The following DLGAP2 variants were observed in gnomAD, a reference collection of about 807,000 sequenced individuals.
The protein encoded by DLGAP2 is DLG associated protein 2.
In DLGAP2, 26 loss-of-function variants were observed where a neutral mutation model predicts 100.3. That is an observed-to-expected ratio of 0.26 (90% CI 0.19 to 0.36). The LOEUF (loss-of-function observed/expected upper bound fraction) is 0.36. Among genes scored for constraint, DLGAP2 ranks in the 10% least tolerant of loss-of-function variants. The pLI, the probability that DLGAP2 is intolerant of heterozygous loss-of-function variation, is 1.00. For synonymous variants in DLGAP2, 886 were observed against 630.1 expected (o/e 1.41, Z -6.08); for missense variants, 1,858 against 1,453.2 (o/e 1.28, Z -4.53).
chr8:1,480,214 G>T (rs1417947826), intron 3 of DLGAP2, among the ~76,000 whole-genome samples: 2 of 152,222 alleles, frequency 1.3e-5, no homozygotes, highest in Admixed American at 6.5e-5. Flanking sequence ...AGGAAACGTG[G>T]GGCTAGATGT....
intron 3 of DLGAP2, among the ~76,000 whole-genome samples, chr8:1,420,401 A>T (rs1355964888): frequency 6.6e-6 from 1 of 152,058 alleles, no homozygotes; most frequent in Non-Finnish European, 1.5e-5. Context: ...TGGCCACCTC[A>T]CTTCTGCGAT....
At chr8:1,640,702 C>T (rs1320792484) in intron 8 of DLGAP2, among the ~76,000 whole-genome samples, 4 of 152,152 alleles carry the variant, frequency 2.6e-5, no homozygotes, top group Non-Finnish European at 1.5e-5. Context: ...GACCCCATTA[C>T]GGGCCTGAGC....
rs748353643 is a variant in DLGAP2 at position 814,072 on chromosome 8, ATG to A, written c.18+76251_18+76252del. Reference sequence around the variant, plus strand: ...GGAAAAGAACTCAGAAAAAGATCTAATGTGTCTTTGAAGGAAGGTTTCAGATT... The same window carrying A: ...GGAAAAGAACTCAGAAAAAGATCTAATGTCTTTGAAGGAAGGTTTCAGATT... On this transcript the variant is annotated intron_variant, in intron 1 of 14. Transcript: ENST00000637795. Among the ~76,000 whole-genome samples the A allele has an allele frequency of 6.6e-5, 10 of 152,308 alleles. No individual in the cohort carries two copies. The East Asian group carries it at 1.9e-3, about 29-fold the overall frequency.
In DLGAP2 at chr8:1,236,364, C is replaced by A. The variant is rs866618785; in HGVS notation, c.74-22487C>A. On this transcript the variant is annotated intron_variant, in intron 2 of 14. Coordinates refer to ENST00000637795, the MANE Select transcript of DLGAP2 (RefSeq NM_001346810.2). Reference sequence around the variant, plus strand: ...CGCCGTGTCTAGTTCTCTCCCATGGCGCCGTGTCTAGTTACCTATCACATG... The same window carrying A: ...CGCCGTGTCTAGTTCTCTCCCATGGAGCCGTGTCTAGTTACCTATCACATG... 5.5e-3 allele frequency among the ~76,000 whole-genome samples: 265 copies of A among 48,018 alleles called. 16 individuals carry two copies. Among genetic ancestry groups the A allele is most frequent in the African/African-American group, 0.027 (245 of 9,220 alleles). 31.5% of individuals were successfully genotyped at this position (48,018 alleles called of 152,430 possible).
chr8:1,565,370 G>A (rs879692139), intron 5 of DLGAP2: 10 of 283,056 alleles, frequency 3.5e-5, no homozygotes, highest in Non-Finnish European at 5.8e-5. Context: ...ATACCAGAGG[G>A]AAATAAAACT....
At chr8:1,223,317 C>T (rs1401876703) in intron 2 of DLGAP2, among the ~76,000 whole-genome samples, 1 of 152,192 alleles carries the variant, frequency 6.6e-6, no homozygotes, top group African/African-American at 2.4e-5. Flanking sequence ...AGGTCTATGC[C>T]ATGGGCTGGT....
intron 2 of DLGAP2, among the ~76,000 whole-genome samples, chr8:1,227,981 T>G (rs193145946): frequency 6.6e-6 from 1 of 152,300 alleles, no homozygotes; most frequent in East Asian, 1.9e-4. Flanking sequence ...GTAACCGTTT[T>G]ACTATTTATA....
chr8:1,062,176 T>C (rs185317587), intron 2 of DLGAP2, among the ~76,000 whole-genome samples: 6 of 152,148 alleles, frequency 3.9e-5, no homozygotes, highest in Non-Finnish European at 7.3e-5. Flanking sequence ...CCTCTCCTGC[T>C]CTGCACCAAG....
At position 1,348,798 on chromosome 8, in the gene DLGAP2, C is replaced by A. The variant is rs533277768; in HGVS notation, c.106+89915C>A. On this transcript the variant is annotated intron_variant, in intron 3 of 14. Transcript: ENST00000637795. ...CCAACCCATTGTGTATGCGGTGGAG[C>A]GTGTTGATGGATTCAGCACCAGCCA... is the stretch of plus-strand genomic sequence containing the variant. Among the ~76,000 whole-genome samples the A allele has an allele frequency of 3.5e-4, 53 of 152,278 alleles. No individual in the cohort carries two copies. In the South Asian group the frequency reaches 4.4e-3, roughly 13 times the overall value.
intron 2 of DLGAP2, among the ~76,000 whole-genome samples, chr8:1,175,624 G>T (rs915085581): frequency 1.3e-5 from 2 of 152,178 alleles, no homozygotes; most frequent in African/African-American, 2.4e-5. Context: ...GAGAAATTTG[G>T]AGGGTGTTGG....
In DLGAP2 at chr8:1,548,823, C is replaced by CCCG; in HGVS notation, c.374_376dup (p.Ala125dup). 6.3e-7 allele frequency: 1 copy of CCCG among 1,581,032 alleles called. No homozygotes were observed. Among genetic ancestry groups the CCCG allele is most frequent in the East Asian group, 2.3e-5 (1 of 43,936 alleles). ...CGCGCGGCCGCCCTACCTGCTGAGCCCCGCCGACAGCTGCCCCGGGGGGCG... is the reference window on the plus strand; with the variant it reads ...CGCGCGGCCGCCCTACCTGCTGAGCCCCGCCGCCGACAGCTGCCCCGGGGGGCG... On this transcript the variant is annotated inframe_insertion, in exon 5 of 15. Coordinates refer to ENST00000637795, the MANE Select transcript of DLGAP2 (RefSeq NM_001346810.2).
intron 8 of DLGAP2, among the ~76,000 whole-genome samples, chr8:1,666,359 A>C (rs1289881315): frequency 6.6e-6 from 1 of 152,130 alleles, no homozygotes; most frequent in Non-Finnish European, 1.5e-5. Flanking sequence ...TTCTCTTTCC[A>C]ATGCATGCTT....
At position 1,274,695 on chromosome 8, in the gene DLGAP2, CTTTTTTTTTTTTTTTTT is replaced by C. The variant is rs145930765; in HGVS notation, c.106+15825_106+15841del. Among the ~76,000 whole-genome samples, 3 of 22,222 alleles carry C rather than the reference CTTTTTTTTTTTTTTTTT, an allele frequency of 1.4e-4. No homozygotes were observed. The Admixed American group carries it at 1.5e-3, about 11-fold the overall frequency. 14.6% of individuals were successfully genotyped at this position (22,222 alleles called of 152,430 possible). A position where few individuals can be genotyped will look rare whatever the true frequency, so the allele number is the denominator to read the frequency against. On this transcript the variant is annotated intron_variant, in intron 3 of 14. Coordinates refer to ENST00000637795, the MANE Select transcript of DLGAP2 (RefSeq NM_001346810.2). ...TTCTGAGATAGTTGTTTTCATTTATCTTTTTTTTTTTTTTTTTTTTTTTTTTTTTGCCGTAATTGTGG... is the reference window on the plus strand; with the variant it reads ...TTCTGAGATAGTTGTTTTCATTTATCTTTTTTTTTTTTGCCGTAATTGTGG...
At chr8:1,286,661 C>G (rs1167629248) in intron 3 of DLGAP2, among the ~76,000 whole-genome samples, 1 of 152,206 alleles carries the variant, frequency 6.6e-6, no homozygotes, top group Non-Finnish European at 1.5e-5. Flanking sequence ...TGTACAGCAT[C>G]TCACACTCAG....
chr8:1,182,042 C>G (rs1797399991), intron 2 of DLGAP2, among the ~76,000 whole-genome samples: 2 of 152,236 alleles, frequency 1.3e-5, no homozygotes, highest in African/African-American at 4.8e-5. Context: ...AGCCTCTGTG[C>G]TGCAGTGCGT....
At chr8:1,476,227 T>C (rs1295157677) in intron 3 of DLGAP2, among the ~76,000 whole-genome samples, 1 of 152,224 alleles carries the variant, frequency 6.6e-6, no homozygotes, top group Non-Finnish European at 1.5e-5. Context: ...CTCTTAGCTT[T>C]TAGTTCCATT....
intron 3 of DLGAP2, among the ~76,000 whole-genome samples, chr8:1,428,248 T>A (rs1042004570): frequency 6.6e-6 from 1 of 152,014 alleles, no homozygotes; most frequent in Non-Finnish European, 1.5e-5. Context: ...ATATAATTTT[T>A]TGAAAAAATA....
chr8:1,468,911 C>A (rs527803419), intron 3 of DLGAP2, among the ~76,000 whole-genome samples: 1 of 152,286 alleles, frequency 6.6e-6, no homozygotes, highest in Non-Finnish European at 1.5e-5. Flanking sequence ...TGTGCTCACT[C>A]CAGCCTCTCT....
chr8:892,586 TGTGTG>T (rs1195285260), intron 1 of DLGAP2, among the ~76,000 whole-genome samples: 3 of 151,896 alleles, frequency 2.0e-5, no homozygotes, highest in Admixed American at 1.3e-4. Context: ...AGAAAGCAAA[TGTGTG>T]GTTAAAGAAA....
Sources: gnomAD v4.1 joint callset for allele counts (sites outside exome capture counted in the v4.1 genomes callset) on GRCh38, gnomAD v4.1.1 for gene constraint, MANE v1.5 for transcripts, NCBI Gene and HGNC (gene_info 2026-07-23, HGNC 2026-07-21) for gene names.